MAGED1: variants seen among roughly 807,000 people sequenced by gnomAD.
MAGED1 encodes MAGE family member D1.
MAGED1 carries 3 observed loss-of-function variants against 54.1 expected under a neutral mutation model. The observed-to-expected ratio is 0.06, with a 90% CI of 0.03 to 0.14. The LOEUF is 0.14. Ranked by LOEUF, MAGED1 falls within the 10% of genes least tolerant of loss-of-function variation. The probability of loss-of-function intolerance (pLI) is 1.00; values close to 1 mark genes in which losing one functional copy is unlikely to be tolerated. For missense variants in MAGED1, 485 were observed against 623.4 expected, an observed-to-expected ratio of 0.78 and a Z score of 2.36; for synonymous variants, 217 against 227.3, an observed-to-expected ratio of 0.95 and a Z score of 0.41.
In MAGED1 at chrX:51,804,800, G is replaced by C. The variant is rs782401967; in HGVS notation, c.-37+1683G>C. 7.9e-4 allele frequency among the ~76,000 whole-genome samples: 88 copies of C among 111,855 alleles called. 1 individual carries two copies. Among genetic ancestry groups the C allele is most frequent in the African/African-American group, 2.5e-3 (77 of 30,789 alleles). On this transcript the variant is annotated intron_variant, in intron 1 of 12. Transcript: ENST00000375772. ...TATTTTAGATAGGATGGGCAGGAAG[G>C]CTTCACTGGTAAGGTGATATTTGAG...
intron 1 of MAGED1, among the ~76,000 whole-genome samples, chrX:51,862,471 G>A (rs1927316956): frequency 9.0e-6 from 1 of 111,060 alleles, no homozygotes; most frequent in African/African-American, 3.3e-5. Context: ...ACACCTTCCT[G>A]TCCGCCTCCA....
intron 1 of MAGED1, 103 bp from the exon 2 acceptor site, chrX:51,894,166 A>T: frequency 2.1e-6 from 1 of 484,881 alleles, no homozygotes; most frequent in Admixed American, 3.2e-5. Context: ...TCCTCCTCAC[A>T]TTCACCTTAT....
intron 1 of MAGED1, among the ~76,000 whole-genome samples, chrX:51,873,524 T>A (rs1487599631): frequency 2.0e-5 from 1 of 50,749 alleles, no homozygotes; most frequent in Non-Finnish European, 3.7e-5. Context: ...TGTGTGTGTG[T>A]GTGTGTGTGT....
chrX:51,853,952 C>G (rs1926987213), intron 1 of MAGED1, among the ~76,000 whole-genome samples: 1 of 112,131 alleles, frequency 8.9e-6, no homozygotes, highest in African/African-American at 3.2e-5. Flanking sequence ...GGTCACATAG[C>G]AAGTAAGTGG....
intron 1 of MAGED1, among the ~76,000 whole-genome samples, chrX:51,825,618 A>G (rs889106948): frequency 2.7e-5 from 3 of 111,911 alleles, no homozygotes; most frequent in African/African-American, 9.8e-5. Context: ...AGGGATCTGT[A>G]TACATCTTGG....
chrX:51,807,567 T>G (rs1405101497), intron 1 of MAGED1, among the ~76,000 whole-genome samples: 2 of 112,019 alleles, frequency 1.8e-5, no homozygotes, highest in East Asian at 5.6e-4. Context: ...TTCATATTTA[T>G]GTTTATAATC....
Position 51,900,732 on chromosome X carries a change from C to T in MAGED1, c.1959+436C>T, listed in dbSNP as rs1320471815. On this transcript the variant is annotated intron_variant, in intron 11 of 12. Transcript: ENST00000326587. ...GCAACCTCTGCCTCCCAGGTTAAAG[C>T]GATTCTTGTGCCTCAGCCTCCCAAG... Among the ~76,000 whole-genome samples, 5 of 111,394 alleles carry T rather than the reference C, an allele frequency of 4.5e-5. No homozygotes were observed. In the East Asian group the frequency reaches 8.5e-4, roughly 19 times the overall value.
At chrX:51,894,887 C>T in intron 2 of MAGED1, 166 bp from the exon 3 acceptor site, 1 of 997,525 alleles carries the variant, frequency 1.0e-6, no homozygotes, top group Non-Finnish European at 1.4e-6. Flanking sequence ...CCTGGTCCCC[C>T]ATCGCCCCTC....
At chrX:51,846,816 T>C (rs1413646483) in intron 1 of MAGED1, among the ~76,000 whole-genome samples, 1 of 111,413 alleles carries the variant, frequency 9.0e-6, no homozygotes, top group Non-Finnish European at 1.9e-5. Context: ...TGGATGGTGC[T>C]AAACCATTCA....
chrX:51,878,314 T>TTA (rs1267601379), intron 1 of MAGED1, among the ~76,000 whole-genome samples: 5 of 111,332 alleles, frequency 4.5e-5, no homozygotes, highest in African/African-American at 1.6e-4. Context: ...GTAATCTATT[T>TTA]AAGTCTGTAA....
At chrX:51,812,355 G>A (rs1400630536) in intron 1 of MAGED1, among the ~76,000 whole-genome samples, 1 of 110,900 alleles carries the variant, frequency 9.0e-6, no homozygotes, top group Non-Finnish European at 1.9e-5. Context: ...AGGTTACTCT[G>A]TGGTCTAGTA....
intron 1 of MAGED1, among the ~76,000 whole-genome samples, chrX:51,826,907 G>A (rs1466024140): frequency 1.8e-5 from 2 of 112,466 alleles, no homozygotes; most frequent in Non-Finnish European, 3.8e-5. Context: ...GAAAACTTAT[G>A]TCTACACAAA....
intron 1 of MAGED1, among the ~76,000 whole-genome samples, chrX:51,869,649 G>A (rs1343933558): frequency 9.0e-6 from 1 of 110,565 alleles, no homozygotes; most frequent in Non-Finnish European, 1.9e-5. Context: ...CAGGCGAATC[G>A]CTTGAGCTCA....
At chrX:51,864,105 G>C (rs901086111) in intron 1 of MAGED1, among the ~76,000 whole-genome samples, 1 of 110,399 alleles carries the variant, frequency 9.1e-6, no homozygotes, top group Non-Finnish European at 1.9e-5. Flanking sequence ...TTTTCTTCTA[G>C]AAGTTGTATG....
intron 6 of MAGED1, 67 bp downstream of exon 6, chrX:51,897,693 C>T (rs1258632118): frequency 9.2e-7 from 1 of 1,092,080 alleles, no homozygotes; most frequent in Non-Finnish European, 1.3e-6. Flanking sequence ...TCATGGGGTT[C>T]CTACTGGGAG....
intron 1 of MAGED1, among the ~76,000 whole-genome samples, chrX:51,837,061 G>A (rs1217683849): frequency 2.7e-5 from 3 of 111,717 alleles, no homozygotes; most frequent in African/African-American, 9.8e-5. Context: ...CCTTGCCTGT[G>A]GCATGATCTG....
chrX:51,861,248 T>C (rs1396569390), intron 1 of MAGED1, among the ~76,000 whole-genome samples: 1 of 111,682 alleles, frequency 9.0e-6, no homozygotes, highest in African/African-American at 3.3e-5. Context: ...TTTTTTATTA[T>C]AGTAAATATA....
chrX:51,812,105 G>A lies in MAGED1; in HGVS notation c.-37+8988G>A, dbSNP rs550636215. Among the ~76,000 whole-genome samples the A allele has an allele frequency of 6.0e-4, 66 of 109,318 alleles. 1 individual carries two copies. In the South Asian group the frequency reaches 0.025, roughly 41 times the overall value. 94.9% of individuals were successfully genotyped at this position (109,318 alleles called of 115,157 possible). A position where few individuals can be genotyped will look rare whatever the true frequency, so the allele number is the denominator to read the frequency against. ...GGAAGGACCTCTAACCTACCTTAAGGGCTCAGAGAAGGCTTCCTAGAAGAG... is the reference window on the plus strand; with the variant it reads ...GGAAGGACCTCTAACCTACCTTAAGAGCTCAGAGAAGGCTTCCTAGAAGAG... On this transcript the variant is annotated intron_variant, in intron 1 of 12. Coordinates refer to the MAGED1 transcript ENST00000375772.
intron 1 of MAGED1, among the ~76,000 whole-genome samples, chrX:51,829,311 T>TTGTGTA (rs2146962650): frequency 9.1e-6 from 1 of 109,544 alleles, no homozygotes; most frequent in East Asian, 3.0e-4. Context: ...ACCAGTGTGT[T>TTGTGTA]TGTGTATGTG....
Sources: gnomAD v4.1 joint callset for allele counts (sites outside exome capture counted in the v4.1 genomes callset) on GRCh38, gnomAD v4.1.1 for gene constraint, MANE v1.5 for transcripts, NCBI Gene and HGNC (gene_info 2026-07-23, HGNC 2026-07-21) for gene names.